The following NALF1 variants were observed in gnomAD, a reference collection of about 807,000 sequenced individuals.
The protein encoded by NALF1 is NALCN channel auxiliary factor 1, also known as family with sequence similarity 155 member A.
NALF1 carries 3 observed loss-of-function variants against 48.4 expected under a neutral mutation model. The ratio of observed to expected loss-of-function variants is 0.06; its 90% CI spans 0.03 to 0.16. The LOEUF is 0.16. Ranked by LOEUF, NALF1 falls within the 10% of genes least tolerant of loss-of-function variation. The probability of loss-of-function intolerance (pLI) is 1.00; values close to 1 mark genes in which losing one functional copy is unlikely to be tolerated. For missense variants in NALF1, 526 were observed against 571.5 expected, an observed-to-expected ratio of 0.92 and a Z score of 0.81; for synonymous variants, 262 against 245.7, an observed-to-expected ratio of 1.07 and a Z score of -0.62.
At chr13:107,454,032 T>C (rs1410281454) in intron 1 of NALF1, among the ~76,000 whole-genome samples, 2 of 152,156 alleles carry the variant, frequency 1.3e-5, no homozygotes, top group Non-Finnish European at 2.9e-5. Context: ...ACAGACCACC[T>C]CAGCCTGAAA....
In NALF1 at chr13:107,531,343, C is replaced by T. The variant is rs1041110660; in HGVS notation, c.916-320588G>A. ...TCTTCTGAGTGTATGGCACCTTACC[C>T]CCAACTCTCTCTCTTTTGTTCTGGC... On this transcript the variant is annotated intron_variant, in intron 1 of 2. Coordinates refer to ENST00000375915, the MANE Select transcript of NALF1 (RefSeq NM_001080396.3). The T allele has an allele frequency of 3.4e-4, 54 of 157,564 alleles. 1 individual carries two copies. The highest frequency in any genetic ancestry group is 1.3e-3 in the African/African-American group (52 of 41,380). The allele number at this position is 157,564 out of a possible 1,614,324, so 9.8% of individuals were successfully genotyped here.
intron 1 of NALF1, among the ~76,000 whole-genome samples, chr13:107,578,133 C>T (rs959518649): frequency 1.3e-5 from 2 of 152,144 alleles, no homozygotes; most frequent in Admixed American, 6.5e-5. Context: ...GTCACTGGAA[C>T]TTAACATTTG....
chr13:107,430,566 T>TCA (rs1305645642), intron 1 of NALF1, among the ~76,000 whole-genome samples: 3 of 152,160 alleles, frequency 2.0e-5, no homozygotes, highest in Non-Finnish European at 4.4e-5. Context: ...TTTTTGTCCT[T>TCA]GCGATAGTTT....
chr13:107,190,691 A>AT (rs1344846610), intron 2 of NALF1, among the ~76,000 whole-genome samples: 1 of 152,234 alleles, frequency 6.6e-6, no homozygotes, highest in Admixed American at 6.5e-5. Context: ...TATAAAGTCA[A>AT]TATTAAAATT....
intron 1 of NALF1, among the ~76,000 whole-genome samples, chr13:107,215,406 G>A (rs942489530): frequency 1.3e-5 from 2 of 152,114 alleles, no homozygotes; most frequent in African/African-American, 4.8e-5. Flanking sequence ...GGTCACACAG[G>A]CCTGTTTGAA....
rs111588676 is a variant in NALF1, at chr13:107,421,339, T to G, written c.916-210584A>C. On this transcript the variant is annotated intron_variant, in intron 1 of 2. Transcript: ENST00000375915. Reference sequence around the variant, plus strand: ...AGAGAATTTTAACTGCTCTAGTATATCTTACTTGCCAGATAATCATAGTTT... The same window carrying G: ...AGAGAATTTTAACTGCTCTAGTATAGCTTACTTGCCAGATAATCATAGTTT... Among the ~76,000 whole-genome samples the G allele has an allele frequency of 6.8e-4, 104 of 152,314 alleles. 1 individual carries two copies. The highest frequency in any genetic ancestry group is 6.8e-3 in the Middle Eastern group (2 of 294).
chr13:107,780,473 A>G, intron 1 of NALF1, among the ~76,000 whole-genome samples: 1 of 152,018 alleles, frequency 6.6e-6, no homozygotes, highest in Non-Finnish European at 1.5e-5. Context: ...AAAGTACCCA[A>G]TGAGACAACG....
intron 1 of NALF1, among the ~76,000 whole-genome samples, chr13:107,264,555 T>A (rs191967095): frequency 7.2e-5 from 11 of 152,304 alleles, no homozygotes; most frequent in Admixed American, 5.9e-4. Context: ...TATAGGGGTA[T>A]ATGTGAGGAA....
intron 1 of NALF1, among the ~76,000 whole-genome samples, chr13:107,218,367 C>T (rs571784031): frequency 3.5e-4 from 54 of 152,298 alleles, no homozygotes; most frequent in African/African-American, 1.3e-3. Flanking sequence ...ATCCCCAGTG[C>T]CCTGGATGTA....
intron 1 of NALF1, among the ~76,000 whole-genome samples, chr13:107,514,113 T>C (rs1271183036): frequency 6.6e-6 from 1 of 152,194 alleles, no homozygotes; most frequent in East Asian, 1.9e-4. Flanking sequence ...ACTGTTCTCT[T>C]TTGCAAATGC....
At chr13:107,852,882 C>T (rs1291163245) in intron 1 of NALF1, among the ~76,000 whole-genome samples, 1 of 152,140 alleles carries the variant, frequency 6.6e-6, no homozygotes, top group African/African-American at 2.4e-5. Context: ...GTATTATAAT[C>T]GGTCAGAGGT....
intron 1 of NALF1, among the ~76,000 whole-genome samples, chr13:107,337,005 T>C (rs1882570699): frequency 7.6e-6 from 1 of 131,680 alleles, no homozygotes; most frequent in Non-Finnish European, 1.6e-5. Context: ...TCCCAAATAA[T>C]AGGTTTTCCT....
At chr13:107,690,220 A>G (rs992206804) in intron 1 of NALF1, among the ~76,000 whole-genome samples, 2 of 152,230 alleles carry the variant, frequency 1.3e-5, no homozygotes, top group South Asian at 2.1e-4. Flanking sequence ...TCCTAACTCC[A>G]TACTTAGCCA....
intron 1 of NALF1, among the ~76,000 whole-genome samples, chr13:107,549,053 C>G (rs897013416): frequency 1.3e-5 from 2 of 152,004 alleles, no homozygotes; most frequent in African/African-American, 4.8e-5. Flanking sequence ...AATCCTGGAC[C>G]TAAGATGATT....
intron 1 of NALF1, among the ~76,000 whole-genome samples, chr13:107,591,060 C>G (rs916446366): frequency 1.3e-5 from 2 of 151,806 alleles, no homozygotes; most frequent in Non-Finnish European, 2.9e-5. Flanking sequence ...AACTGAGAAA[C>G]AGTAAAGAGA....
chr13:107,819,737 T>C (rs986527161), intron 1 of NALF1, among the ~76,000 whole-genome samples: 1 of 143,344 alleles, frequency 7.0e-6, no homozygotes, highest in African/African-American at 2.8e-5. Context: ...TCTCTCTCTC[T>C]CTCTCTCTCT....
At chr13:107,592,274 T>C (rs1024491492) in intron 1 of NALF1, among the ~76,000 whole-genome samples, 10 of 152,044 alleles carry the variant, frequency 6.6e-5, no homozygotes, top group Admixed American at 5.9e-4. Flanking sequence ...CTGGCAAAAC[T>C]AGTTAAACTT....
At chr13:107,755,882 C>G (rs1877079266) in intron 1 of NALF1, among the ~76,000 whole-genome samples, 1 of 152,124 alleles carries the variant, frequency 6.6e-6, no homozygotes, top group South Asian at 2.1e-4. Context: ...TATTTGCCCT[C>G]ATATTTTATT....
rs1880086202 is a variant in NALF1 at position 107,843,183 on chromosome 13, ATAG to A, written c.915+22496_915+22498del. On this transcript the variant is annotated intron_variant, in intron 1 of 2. Coordinates refer to ENST00000375915, the MANE Select transcript of NALF1 (RefSeq NM_001080396.3). ...TTCTATGATACTTAAAATGCTCCAGATAGTATTCTAAGCGTTTTATTTATCTGA... is the reference window on the plus strand; with the variant it reads ...TTCTATGATACTTAAAATGCTCCAGATATTCTAAGCGTTTTATTTATCTGA... Among the ~76,000 whole-genome samples, 4 of 152,346 alleles carry A rather than the reference ATAG, an allele frequency of 2.6e-5. No homozygotes were observed. In the South Asian group the frequency reaches 8.3e-4, roughly 32 times the overall value.
Sources: allele counts gnomAD v4.1 joint callset (sites outside exome capture counted in the v4.1 genomes callset), GRCh38; gene constraint gnomAD v4.1.1; transcripts MANE v1.5; gene names NCBI Gene and HGNC (gene_info 2026-07-23, HGNC 2026-07-21).